The following SLC4A4 variants were observed in gnomAD, a reference collection of about 807,000 sequenced individuals.
SLC4A4 encodes solute carrier family 4 member 4.
In SLC4A4, 27 loss-of-function variants were observed where a neutral mutation model predicts 111.5. That is an observed-to-expected ratio of 0.24 (90% CI 0.18 to 0.33). The LOEUF (loss-of-function observed/expected upper bound fraction) is 0.33. SLC4A4 is among the 10% of genes least tolerant of loss of function. The pLI, the probability that SLC4A4 is intolerant of heterozygous loss-of-function variation, is 1.00. For synonymous variants in SLC4A4, 443 were observed against 463.4 expected, an observed-to-expected ratio of 0.96 and a Z score of 0.57; for missense variants, 909 against 1,315.5, an observed-to-expected ratio of 0.69 and a Z score of 4.78.
rs1213059612 is a variant in SLC4A4 at position 71,322,682 on chromosome 4, G to T, written c.254-16688G>T. The stretch of plus-strand genomic sequence containing the variant: ...TGTAAACCTTATCATAGCAGCTCTG[G>T]CAGAAGGGAGAGAAGTGATGTAGGG... On this transcript the variant is annotated intron_variant, in intron 3 of 25. Transcript: ENST00000264485. Among the ~76,000 whole-genome samples, 3 of 151,952 alleles carry T rather than the reference G, an allele frequency of 2.0e-5. No individual in the cohort carries two copies. The East Asian group carries it at 5.8e-4, about 29-fold the overall frequency.
intron 6 of SLC4A4, among the ~76,000 whole-genome samples, chr4:71,375,948 C>T (rs1175473906): frequency 6.6e-6 from 1 of 151,532 alleles, no homozygotes; most frequent in African/African-American, 2.4e-5. Flanking sequence ...AAAGTAGGAA[C>T]TGAAGAGCCC....
intron 1 of SLC4A4, among the ~76,000 whole-genome samples, chr4:71,214,607 C>T (rs1172592106): frequency 6.6e-6 from 1 of 152,100 alleles, no homozygotes; most frequent in Non-Finnish European, 1.5e-5. Context: ...TTATTTTTTG[C>T]TGTGTACTTA....
intron 6 of SLC4A4, among the ~76,000 whole-genome samples, chr4:71,365,469 G>A (rs1731158548): frequency 6.6e-6 from 1 of 152,088 alleles, no homozygotes; most frequent in Non-Finnish European, 1.5e-5. Context: ...GGAAGGACAG[G>A]GAAAAGTAAG....
At chr4:71,365,314 C>T (rs531377424) in intron 6 of SLC4A4, among the ~76,000 whole-genome samples, 2 of 152,160 alleles carry the variant, frequency 1.3e-5, no homozygotes, top group South Asian at 4.1e-4. Context: ...CTGAGTAAAT[C>T]TTCTTCCAAG....
chr4:71,100,792 A>G (rs1000794429), intron 2 of SLC4A4, among the ~76,000 whole-genome samples: 3 of 152,220 alleles, frequency 2.0e-5, no homozygotes, highest in Non-Finnish European at 2.9e-5. Flanking sequence ...CAGCATTCCT[A>G]TACTCCAGCA....
intron 23 of SLC4A4, 61 bp from the exon 24 acceptor site, chr4:71,563,731 AG>A: frequency 9.9e-7 from 1 of 1,009,632 alleles, no homozygotes; most frequent in Non-Finnish European, 1.6e-6. Flanking sequence ...GATCGATGCT[AG>A]GAGATAGGAA....
chr4:71,389,456 TC>T (rs1336167719), intron 6 of SLC4A4, among the ~76,000 whole-genome samples: 1 of 152,186 alleles, frequency 6.6e-6, no homozygotes, highest in African/African-American at 2.4e-5. Context: ...ATCCTTACAC[TC>T]TGCCTTATTT....
intron 3 of SLC4A4, among the ~76,000 whole-genome samples, chr4:71,292,348 A>G (rs2149103735): frequency 6.6e-6 from 1 of 152,312 alleles, no homozygotes; most frequent in East Asian, 1.9e-4. Context: ...GTAGTTTCCC[A>G]GTTATAGCAA....
chr4:71,179,307 C>A (rs1231225846), intron 2 of SLC4A4, among the ~76,000 whole-genome samples: 2 of 152,116 alleles, frequency 1.3e-5, no homozygotes, highest in Non-Finnish European at 2.9e-5. Flanking sequence ...GACACGGATG[C>A]CCTCTCTCAC....
chr4:71,102,799 C>G (rs868725933), intron 2 of SLC4A4, among the ~76,000 whole-genome samples: 1 of 151,522 alleles, frequency 6.6e-6, no homozygotes, highest in African/African-American at 2.4e-5. Flanking sequence ...ACAACCGGTA[C>G]CAGCTGCTGC....
intron 2 of SLC4A4, among the ~76,000 whole-genome samples, chr4:71,162,302 C>G (rs544743558): frequency 1.3e-5 from 2 of 152,294 alleles, no homozygotes; most frequent in Middle Eastern, 6.8e-3. Context: ...AGTAGGAGAG[C>G]CATGCTTTGA....
intron 21 of SLC4A4, among the ~76,000 whole-genome samples, chr4:71,557,439 G>C (rs1285658154): frequency 6.6e-6 from 1 of 151,846 alleles, no homozygotes; most frequent in African/African-American, 2.4e-5. Flanking sequence ...TAGGAGATGA[G>C]CTCCTAGAAT....
At position 71,339,446 on chromosome 4, in the gene SLC4A4, G is replaced by A. The variant is rs772559707; in HGVS notation, c.330G>A (p.Thr110=). The change falls in exon 4 of 26, where the codon ACG becomes ACA. Residue 110 remains threonine (T), a synonymous_variant. Coordinates refer to ENST00000264485, the MANE Select transcript of SLC4A4 (RefSeq NM_001098484.3). ...DDSPAPPQLF[T]ELDELLAVDG... is the part of the protein sequence containing the mutation. ...GCCCAGCTCCCCCTCAGCTCTTCAC[G>A]GAACTGGATGAGCTGCTGGCCGTGG... is the stretch of plus-strand genomic sequence containing the variant. The A allele has an allele frequency of 1.9e-5, 31 of 1,613,974 alleles. No individual in the cohort carries two copies. In the East Asian group the frequency reaches 2.0e-4, roughly 10 times the overall value.
chr4:71,395,226 T>G, intron 6 of SLC4A4, among the ~76,000 whole-genome samples: 1 of 152,094 alleles, frequency 6.6e-6, no homozygotes. Flanking sequence ...CTTCAAGGTC[T>G]TGGGAAGTCA....
intron 16 of SLC4A4, among the ~76,000 whole-genome samples, chr4:71,526,956 C>T (rs150764038): frequency 2.0e-5 from 3 of 152,080 alleles, no homozygotes; most frequent in African/African-American, 7.2e-5. Context: ...CTTTCATTTA[C>T]AAGAACCCCT....
At chr4:71,394,011 C>A (rs1036580806) in intron 6 of SLC4A4, among the ~76,000 whole-genome samples, 2 of 152,070 alleles carry the variant, frequency 1.3e-5, no homozygotes, top group African/African-American at 4.8e-5. Flanking sequence ...CAAAAATCAA[C>A]TCAAGATGGA....
chr4:71,216,765 C>T (rs899447852), intron 1 of SLC4A4, among the ~76,000 whole-genome samples: 14 of 152,218 alleles, frequency 9.2e-5, no homozygotes, highest in African/African-American at 3.1e-4. Flanking sequence ...GTAATGTGAC[C>T]GTCATAAACT....
At chr4:71,230,378 C>T (rs1172696559) in intron 1 of SLC4A4, among the ~76,000 whole-genome samples, 1 of 152,196 alleles carries the variant, frequency 6.6e-6, no homozygotes, top group Non-Finnish European at 1.5e-5. Context: ...TAATAAAACT[C>T]TTCACTTGCT....
Position 71,568,418 on chromosome 4 carries a change from A to G in SLC4A4, c.*667A>G, listed in dbSNP as rs1737687359. The G allele has an allele frequency of 6.6e-6, 1 of 152,224 alleles. No individual in the cohort carries two copies. Among genetic ancestry groups the G allele is most frequent in the African/African-American group, 2.4e-5 (1 of 41,336 alleles). 9.4% of individuals were successfully genotyped at this position (152,224 alleles called of 1,614,324 possible). On this transcript the variant is annotated 3_prime_UTR_variant, in exon 26 of 26. Coordinates refer to ENST00000264485, the MANE Select transcript of SLC4A4 (RefSeq NM_001098484.3). ...AAATCCTAATCTTAGAGTTATCAAA[A>G]GAAGAAAAAACTGAAGGTACTTTAC...
Sources: gnomAD v4.1 joint callset for allele counts (sites outside exome capture counted in the v4.1 genomes callset) on GRCh38, gnomAD v4.1.1 for gene constraint, MANE v1.5 for transcripts, NCBI Gene and HGNC (gene_info 2026-07-23, HGNC 2026-07-21) for gene names.